The following VPS53 variants were observed in gnomAD, a reference collection of about 807,000 sequenced individuals.
The protein encoded by VPS53 is vacuolar protein sorting-associated protein 53 homolog.
In VPS53, 70 loss-of-function variants were observed where a neutral mutation model predicts 107.0. The ratio of observed to expected loss-of-function variants is 0.65; its 90% CI spans 0.54 to 0.80. VPS53 has a LOEUF of 0.80. Ranked by LOEUF, VPS53 falls within the 30% of genes least tolerant of loss-of-function variation. The pLI is 0.00. For synonymous variants in VPS53, 409 were observed against 393.3 expected, an observed-to-expected ratio of 1.04 and a Z score of -0.47; for missense variants, 917 against 1,049.4, an observed-to-expected ratio of 0.87 and a Z score of 1.74.
Position 629,809 on chromosome 17 carries a change from C to CCACACACA in VPS53, c.688-1586_688-1579dup, listed in dbSNP as rs61004817. Among the ~76,000 whole-genome samples the CCACACACA allele has an allele frequency of 7.8e-5, 11 of 140,746 alleles. 1 individual carries two copies. The highest frequency in any genetic ancestry group is 2.9e-4 in the African/African-American group (11 of 37,728). The allele number at this position is 140,746 out of a possible 152,430, so 92.3% of individuals were successfully genotyped here. On this transcript the variant is annotated intron_variant, in intron 8 of 21. Transcript: ENST00000437048. ...AACTAAAAACAAAACAAAAAAAAAA[C>CCACACACA]CACACACACACACACACACACACAC...
rs570252186 is a variant in VPS53, at chr17:576,396, T to C, written c.1313+9874A>G. ...CCAGAGAATCTCCCTCAGAACCTAA[T>C]GCATTGCCAGAGAACCTCCCTCAGA... On this transcript the variant is annotated intron_variant, in intron 13 of 21. Coordinates refer to ENST00000437048, the MANE Select transcript of VPS53 (RefSeq NM_001128159.3). 6.0e-5 allele frequency among the ~76,000 whole-genome samples: 9 copies of C among 151,012 alleles called. No homozygotes were observed. The South Asian group carries it at 1.9e-3, about 32-fold the overall frequency.
intron 7 of VPS53, chr17:632,958 T>C (rs8075960): frequency 0.047 from 16,967 of 361,258 alleles, 907 homozygotes; most frequent in African/African-American, 0.18. Flanking sequence ...AAATGATCAC[T>C]AGTGAGGGCC....
chr17:646,510 C>T (rs1317021392), intron 7 of VPS53, among the ~76,000 whole-genome samples: 84 of 121,262 alleles, frequency 6.9e-4, no homozygotes, highest in African/African-American at 7.1e-4. Flanking sequence ...CTTTTCTAAT[C>T]CGTATCACGG....
chr17:535,116 C>T (rs940829439), intron 18 of VPS53, among the ~76,000 whole-genome samples: 2 of 152,166 alleles, frequency 1.3e-5, no homozygotes, highest in African/African-American at 4.8e-5. Context: ...GAAGGGTCTC[C>T]TCACAAGCCC....
chr17:629,021 G>A (rs924240057), intron 8 of VPS53, among the ~76,000 whole-genome samples: 1 of 152,200 alleles, frequency 6.6e-6, no homozygotes, highest in Non-Finnish European at 1.5e-5. Context: ...TCCTGGCTTG[G>A]CTAAAAAGCC....
At chr17:536,766 C>T in intron 18 of VPS53, 1 of 417,940 alleles carries the variant, frequency 2.4e-6, no homozygotes, top group South Asian at 2.6e-5. Context: ...GTACATTTGT[C>T]CAAACCGAGG....
intron 12 of VPS53, among the ~76,000 whole-genome samples, chr17:594,770 T>C (rs1261707743): frequency 9.8e-6 from 1 of 101,864 alleles, no homozygotes; most frequent in East Asian, 3.3e-4. Flanking sequence ...AGCTGGGAGA[T>C]GGGAAGGGGT....
At chr17:711,607 G>C (rs1206136717) in intron 1 of VPS53, among the ~76,000 whole-genome samples, 2 of 152,108 alleles carry the variant, frequency 1.3e-5, no homozygotes, top group African/African-American at 4.8e-5. Context: ...GGATACAAGA[G>C]ATACAAACTA....
At position 709,178 on chromosome 17, in the gene VPS53, GGC is replaced by G. The variant is rs1567756448; in HGVS notation, c.168+1353_168+1354del. Among the ~76,000 whole-genome samples, 61 of 135,060 alleles carry G rather than the reference GGC, an allele frequency of 4.5e-4. 1 individual carries two copies. Among genetic ancestry groups the G allele is most frequent in the South Asian group, 1.2e-3 (5 of 4,222 alleles). 88.6% of individuals were successfully genotyped at this position (135,060 alleles called of 152,430 possible). Reference sequence around the variant, plus strand: ...TGTCACGGAACCTGCCTGGTATCACGGCGCATCACGCTCTGTCACGGAACCTG... The same window carrying G: ...TGTCACGGAACCTGCCTGGTATCACGGCATCACGCTCTGTCACGGAACCTG... On this transcript the variant is annotated intron_variant, in intron 2 of 21. Coordinates refer to ENST00000437048, the MANE Select transcript of VPS53 (RefSeq NM_001128159.3).
intron 7 of VPS53, among the ~76,000 whole-genome samples, chr17:643,400 T>G (rs71355290): frequency 3.6e-5 from 2 of 55,364 alleles, no homozygotes; most frequent in Non-Finnish European, 7.4e-5. Context: ...CTGAGGACAA[T>G]ACTCATACTT....
At chr17:604,372 A>G (rs960084363) in intron 11 of VPS53, among the ~76,000 whole-genome samples, 17 of 152,364 alleles carry the variant, frequency 1.1e-4, no homozygotes, top group Middle Eastern at 6.8e-3. Context: ...TAAAGCATCA[A>G]GAAAACGCAG....
chr17:607,382 CCCTCCTCCCTGTTG>C, intron 11 of VPS53, among the ~76,000 whole-genome samples: 1 of 152,188 alleles, frequency 6.6e-6, no homozygotes, highest in Non-Finnish European at 1.5e-5. Flanking sequence ...GCACATACCA[CCCTCCTCCCTGTTG>C]ATAAAAGTCC....
chr17:520,022 C>T lies in VPS53; in HGVS notation c.2224-92G>A, dbSNP rs572554993. On this transcript the variant is annotated intron_variant, in intron 20 of 21. Coordinates refer to ENST00000437048, the MANE Select transcript of VPS53 (RefSeq NM_001128159.3). The surrounding 1 kb of genome is among the most constrained non-coding windows in gnomAD (Gnocchi z 4.4). The stretch of plus-strand genomic sequence containing the variant: ...GGCCCTCAAGAAAACTCACTACCCA[C>T]CGCAGGAGGAGACGGGAGCGGGCCC... 4.7e-6 allele frequency: 4 copies of T among 849,262 alleles called. No individual in the cohort carries two copies. In the South Asian group the frequency reaches 6.1e-5, roughly 13 times the overall value. The allele number at this position is 849,262 out of a possible 1,614,324, so 52.6% of individuals were successfully genotyped here.
chr17:636,395 G>C (rs890583447), intron 7 of VPS53, among the ~76,000 whole-genome samples: 2 of 152,138 alleles, frequency 1.3e-5, no homozygotes, highest in Admixed American at 6.5e-5. Flanking sequence ...TTTCCTAATT[G>C]AATACCCTTT....
At chr17:640,176 C>T (rs529293658) in intron 7 of VPS53, among the ~76,000 whole-genome samples, 5 of 152,290 alleles carry the variant, frequency 3.3e-5, no homozygotes, top group Admixed American at 6.5e-5. Flanking sequence ...AGCGAGTCTC[C>T]GTGGGTGTGG....
rs773044760 is a variant in VPS53 at position 627,317 on chromosome 17, C to G, written c.832-1G>C. On this transcript the variant is annotated splice_acceptor_variant, in intron 9 of 21. Coordinates refer to ENST00000437048, the MANE Select transcript of VPS53 (RefSeq NM_001128159.3). LOFTEE classifies it high-confidence loss of function. ...TGTCGATTTTGTCCAGCCAGGCAAC[C>G]TGGTGAAGGTGGAGATCAAAAGCCA... The G allele has an allele frequency of 6.2e-7, 1 of 1,612,526 alleles. No homozygotes were observed. The highest frequency in any genetic ancestry group is 8.5e-7 in the Non-Finnish European group (1 of 1,179,318).
intron 13 of VPS53, among the ~76,000 whole-genome samples, chr17:583,191 A>G (rs516382): frequency 0.64 from 94,538 of 148,028 alleles, 30,298 homozygotes; most frequent in Middle Eastern, 0.78. Flanking sequence ...AGAACCTAAT[A>G]TGTTCCCAGA....
At chr17:555,758 C>T (rs1912286841) in intron 15 of VPS53, among the ~76,000 whole-genome samples, 2 of 152,348 alleles carry the variant, frequency 1.3e-5, no homozygotes, top group Admixed American at 6.5e-5. Flanking sequence ...TACAAAACAT[C>T]ATTATGATGT....
chr17:658,999 C>G (rs1441072703), intron 5 of VPS53, among the ~76,000 whole-genome samples: 1 of 151,634 alleles, frequency 6.6e-6, no homozygotes, highest in African/African-American at 2.4e-5. Context: ...CAAGCCTTCT[C>G]TCCTGTAACC....
Sources: allele counts gnomAD v4.1 joint callset (sites outside exome capture counted in the v4.1 genomes callset), GRCh38; gene constraint gnomAD v4.1.1; non-coding constraint Gnocchi (gnomAD v3.1); transcripts MANE v1.5; gene names NCBI Gene and HGNC (gene_info 2026-07-23, HGNC 2026-07-21).